ZNF277: variants seen among roughly 807,000 people sequenced by gnomAD.
ZNF277 encodes zinc finger protein 277.
Under a neutral mutation model 60.7 loss-of-function variants are expected in ZNF277, and 55 were observed. That is an observed-to-expected ratio of 0.91 (90% CI 0.73 to 1.13). The LOEUF (loss-of-function observed/expected upper bound fraction) is 1.13. Ranked by LOEUF, ZNF277 falls within the 50% of genes most tolerant of loss-of-function variation. The pLI is 0.00. For missense variants in ZNF277, 510 were observed against 523.0 expected (o/e 0.98, Z 0.24); for synonymous variants, 178 against 179.3 (o/e 0.99, Z 0.06).
chr7:112,288,360 A>C (rs1217420292), intron 2 of ZNF277: 1 of 152,154 alleles, frequency 6.6e-6, no homozygotes, highest in East Asian at 1.9e-4. Context: ...CCTGCATCTA[A>C]ACTCTGTTTC....
At chr7:112,209,008 T>A (rs1307464436) in intron 1 of ZNF277, among the ~76,000 whole-genome samples, 3 of 152,132 alleles carry the variant, frequency 2.0e-5, no homozygotes, top group Non-Finnish European at 4.4e-5. Flanking sequence ...TAAAAAGGGA[T>A]AAATCTATAT....
At chr7:112,232,042 C>CACATAT (rs1822347887) in intron 1 of ZNF277, among the ~76,000 whole-genome samples, 2 of 133,260 alleles carry the variant, frequency 1.5e-5, no homozygotes, top group African/African-American at 6.4e-5. Context: ...TAAATAAATA[C>CACATAT]ATATATATAT....
intron 1 of ZNF277, among the ~76,000 whole-genome samples, chr7:112,280,268 T>G (rs1457907350): frequency 1.3e-5 from 2 of 152,150 alleles, no homozygotes; most frequent in Non-Finnish European, 2.9e-5. Context: ...GTGATTTATG[T>G]GCACATTGAA....
intron 5 of ZNF277, among the ~76,000 whole-genome samples, chr7:112,325,073 C>T (rs1793065475): frequency 6.6e-6 from 1 of 152,178 alleles, no homozygotes; most frequent in Non-Finnish European, 1.5e-5. Flanking sequence ...GCTATTTTTA[C>T]CAGCTATCTG....
intron 9 of ZNF277, among the ~76,000 whole-genome samples, chr7:112,338,723 T>G (rs893287140): frequency 6.6e-6 from 1 of 152,238 alleles, no homozygotes; most frequent in African/African-American, 2.4e-5. Flanking sequence ...TATGTGTGTA[T>G]AATTTCCTGT....
intron 1 of ZNF277, among the ~76,000 whole-genome samples, chr7:112,233,202 A>G (rs1822386776): frequency 6.6e-6 from 1 of 152,170 alleles, no homozygotes; most frequent in South Asian, 2.1e-4. Flanking sequence ...CTTGTATTTT[A>G]CATTCAGATG....
chr7:112,315,234 G>C lies in ZNF277; in HGVS notation c.466-2948G>C, dbSNP rs537320527. On this transcript the variant is annotated intron_variant, in intron 4 of 11. Coordinates refer to ENST00000361822, the MANE Select transcript of ZNF277 (RefSeq NM_021994.3). ...TTTTTCTTAGGTACCAAACATATTT[G>C]AGTTAATTTTATTCTTAGAATTTGA... Among the ~76,000 whole-genome samples the C allele has an allele frequency of 4.6e-5, 7 of 152,198 alleles. 1 individual carries two copies. The South Asian group carries it at 1.5e-3, about 32-fold the overall frequency.
At chr7:112,313,821 A>G (rs1250659421) in intron 4 of ZNF277, among the ~76,000 whole-genome samples, 1 of 152,170 alleles carries the variant, frequency 6.6e-6, no homozygotes, top group African/African-American at 2.4e-5. Context: ...GTAAGGGATA[A>G]TCAAGTGTGT....
intron 4 of ZNF277, among the ~76,000 whole-genome samples, chr7:112,296,725 T>C (rs144343131): frequency 0.011 from 1,698 of 151,680 alleles, 27 homozygotes; most frequent in African/African-American, 0.039. Context: ...TTATTTCCCT[T>C]TATGAATTAA....
At chr7:112,272,235 C>T (rs1791685745) in intron 1 of ZNF277, among the ~76,000 whole-genome samples, 1 of 152,144 alleles carries the variant, frequency 6.6e-6, no homozygotes, top group Non-Finnish European at 1.5e-5. Context: ...ACCTCCAGTT[C>T]CATCCACATT....
chr7:112,320,640 G>T (rs1792957175), intron 5 of ZNF277, among the ~76,000 whole-genome samples: 1 of 151,962 alleles, frequency 6.6e-6, no homozygotes, highest in Admixed American at 6.6e-5. Flanking sequence ...ACCCTTCATT[G>T]TTTGTTTTAA....
At chr7:112,270,976 G>A (rs1791656586) in intron 1 of ZNF277, among the ~76,000 whole-genome samples, 1 of 152,020 alleles carries the variant, frequency 6.6e-6, no homozygotes, top group African/African-American at 2.4e-5. Flanking sequence ...AAAAAAATCA[G>A]CATATTTTCA....
intron 1 of ZNF277, among the ~76,000 whole-genome samples, chr7:112,281,989 C>G (rs527686149): frequency 1.1e-4 from 17 of 152,148 alleles, no homozygotes; most frequent in Non-Finnish European, 2.2e-4. Flanking sequence ...TGTGCCACCA[C>G]GCCCTGCTAA....
chr7:112,320,694 T>C lies in ZNF277; in HGVS notation c.557+2421T>C, dbSNP rs112489586. On this transcript the variant is annotated intron_variant, in intron 5 of 11. Transcript: ENST00000361822. ...TCGAAAGTATATCTTATAGACAGTATACAGTTGGATCATTTTTTATCCATT... is the reference window on the plus strand; with the variant it reads ...TCGAAAGTATATCTTATAGACAGTACACAGTTGGATCATTTTTTATCCATT... Among the ~76,000 whole-genome samples the C allele has an allele frequency of 4.2e-3, 646 of 152,196 alleles. 4 individuals carry two copies. Among genetic ancestry groups the C allele is most frequent in the African/African-American group, 0.015 (610 of 41,534 alleles).
rs781250651 is a variant in ZNF277, at chr7:112,254,182, C to T, written c.92-32691C>T. Among the ~76,000 whole-genome samples, 92 of 152,212 alleles carry T rather than the reference C, an allele frequency of 6.0e-4. 1 individual carries two copies. Among genetic ancestry groups the T allele is most frequent in the Non-Finnish European group, 1.0e-3 (70 of 68,038 alleles). On this transcript the variant is annotated intron_variant, in intron 1 of 11. Coordinates refer to ENST00000361822, the MANE Select transcript of ZNF277 (RefSeq NM_021994.3). ...GAGAAGCTTTTCAGAAAGCAATAAA[C>T]CACATTTGAGACACCATCTTCTTCC...
At chr7:112,236,467 A>T (rs997989418) in intron 1 of ZNF277, among the ~76,000 whole-genome samples, 2 of 152,034 alleles carry the variant, frequency 1.3e-5, no homozygotes, top group Non-Finnish European at 2.9e-5. Flanking sequence ...TAAGTCCCTA[A>T]TATAGCTTCT....
chr7:112,322,208 T>C (rs1792999985), intron 5 of ZNF277, among the ~76,000 whole-genome samples: 2 of 152,092 alleles, frequency 1.3e-5, no homozygotes, highest in African/African-American at 4.8e-5. Flanking sequence ...TTCATCAAAT[T>C]CGAAAAGTTT....
At position 112,239,734 on chromosome 7, in the gene ZNF277, G is replaced by A. The variant is rs187961856; in HGVS notation, c.91+32927G>A. 8.0e-4 allele frequency among the ~76,000 whole-genome samples: 122 copies of A among 152,264 alleles called. No individual in the cohort carries two copies. In the Middle Eastern group the frequency reaches 0.014, roughly 17 times the overall value. On this transcript the variant is annotated intron_variant, in intron 1 of 11. Transcript: ENST00000361822. ...GAACTATAAGAAATCATCTGAAGAT[G>A]CAAAACTCATTGGTAATAGTAAGTA...
chr7:112,216,628 A>C (rs993234049), intron 1 of ZNF277, among the ~76,000 whole-genome samples: 3 of 152,236 alleles, frequency 2.0e-5, no homozygotes, highest in Non-Finnish European at 4.4e-5. Flanking sequence ...TAGAGAAGTC[A>C]TTAGCACTCC....
Sources: gnomAD v4.1 joint callset for allele counts (sites outside exome capture counted in the v4.1 genomes callset) on GRCh38, gnomAD v4.1.1 for gene constraint, MANE v1.5 for transcripts, NCBI Gene and HGNC (gene_info 2026-07-23, HGNC 2026-07-21) for gene names.